The following JADE3 variants were observed in gnomAD, a reference collection of about 807,000 sequenced individuals.
JADE3 encodes the protein protein Jade-3.
JADE3 carries 2 observed loss-of-function variants against 50.1 expected under a neutral mutation model. The observed-to-expected ratio is 0.04, with a 90% confidence interval of 0.02 to 0.13. The LOEUF (loss-of-function observed/expected upper bound fraction) is 0.13. JADE3 is among the 10% of genes least tolerant of loss of function. JADE3 has a pLI of 1.00. For synonymous variants in JADE3, 218 were observed against 232.9 expected (o/e 0.94, Z 0.58); for missense variants, 475 against 634.4 (o/e 0.75, Z 2.70).
At chrX:46,966,520 G>A (rs1008510508) in intron 1 of JADE3, among the ~76,000 whole-genome samples, 2 of 111,128 alleles carry the variant, frequency 1.8e-5, no homozygotes, top group Admixed American at 1.9e-4. Flanking sequence ...AGCAACACAG[G>A]GAACTTGAAA....
chrX:47,039,532 A>G (rs1357717769), intron 8 of JADE3, among the ~76,000 whole-genome samples: 1 of 110,722 alleles, frequency 9.0e-6, no homozygotes, highest in African/African-American at 3.3e-5. Context: ...TAAGTACCCA[A>G]TAGGTAGTTT....
At position 47,059,762 on chromosome X, in the gene JADE3, T is replaced by A. The variant is rs1313276014; in HGVS notation, c.*685T>A. On this transcript the variant is annotated 3_prime_UTR_variant, in exon 11 of 11. Transcript: ENST00000614628. The stretch of plus-strand genomic sequence containing the variant: ...ATAAAAGGCTAACTTGTGGATAGTG[T>A]TTACAAAAGTACAAAAGTACTACTT... The A allele has an allele frequency of 8.9e-6, 1 of 112,153 alleles. No individual in the cohort carries two copies. Among genetic ancestry groups the A allele is most frequent in the Non-Finnish European group, 1.9e-5 (1 of 53,229 alleles). The allele number at this position is 112,153 out of a possible 1,213,427, so 9.2% of individuals were successfully genotyped here. A position where few individuals can be genotyped will look rare whatever the true frequency, so the allele number is the denominator to read the frequency against.
At chrX:47,004,250 G>A (rs1348395791) in intron 4 of JADE3, among the ~76,000 whole-genome samples, 2 of 111,212 alleles carry the variant, frequency 1.8e-5, no homozygotes, top group African/African-American at 6.5e-5. Context: ...TATCTGTATT[G>A]TATCAGGGTA....
intron 1 of JADE3, among the ~76,000 whole-genome samples, chrX:46,980,980 G>C (rs1178759260): frequency 1.8e-5 from 2 of 111,397 alleles, no homozygotes; most frequent in Non-Finnish European, 3.8e-5. Context: ...ACAGAAACAG[G>C]ATCAGAGAGA....
At chrX:46,925,576 C>T (rs1004219454) in intron 1 of JADE3, among the ~76,000 whole-genome samples, 52 of 111,821 alleles carry the variant, frequency 4.7e-4, no homozygotes, top group African/African-American at 1.7e-3. Context: ...CATCCCAGCA[C>T]TCTGGGAGGC....
intron 8 of JADE3, 55 bp downstream of exon 8, chrX:47,039,120 C>G (rs1243176434): frequency 1.5e-5 from 9 of 604,419 alleles, no homozygotes; most frequent in Non-Finnish European, 2.2e-5. Context: ...GCTGGACTCA[C>G]CCTCCCAGTG....
At chrX:46,980,781 AGGTTGTGGTAGGCAG>A (rs1927730671) in intron 1 of JADE3, among the ~76,000 whole-genome samples, 5 of 111,380 alleles carry the variant, frequency 4.5e-5, no homozygotes, top group African/African-American at 1.6e-4. Context: ...TTTGTATATT[AGGTTGTGGTAGGCAG>A]AGATGTCCGT....
At chrX:46,928,880 T>C (rs1283810684) in intron 1 of JADE3, among the ~76,000 whole-genome samples, 1 of 111,850 alleles carries the variant, frequency 8.9e-6, no homozygotes, top group Admixed American at 9.5e-5. Context: ...CCCAAAGTGC[T>C]GAGATTACAA....
At chrX:47,035,033 T>C (rs1929104521) in intron 7 of JADE3, among the ~76,000 whole-genome samples, 1 of 111,497 alleles carries the variant, frequency 9.0e-6, no homozygotes, top group Non-Finnish European at 1.9e-5. Flanking sequence ...TTGCTGGTAT[T>C]TCCTGAGTGG....
chrX:46,984,975 T>C (rs1556354167), intron 2 of JADE3, 35 bp downstream of exon 2: 2 of 1,099,900 alleles, frequency 1.8e-6, no homozygotes, highest in Non-Finnish European at 1.3e-6. Flanking sequence ...GTAACCTTTC[T>C]ATCTATATCC....
chrX:46,955,433 C>T (rs782641327), intron 1 of JADE3, among the ~76,000 whole-genome samples: 4 of 111,468 alleles, frequency 3.6e-5, no homozygotes, highest in Admixed American at 9.5e-5. Flanking sequence ...TAAGGTTGAT[C>T]GGGGTGTGAG....
intron 1 of JADE3, among the ~76,000 whole-genome samples, chrX:46,917,834 C>CTCTCTCTCT (rs1556336773): frequency 2.4e-5 from 1 of 42,545 alleles, no homozygotes; most frequent in Non-Finnish European, 4.2e-5. Context: ...TCTCTCTCAT[C>CTCTCTCTCT]CTCTCTCTCT....
chrX:47,010,060 T>A (rs1928523687), intron 4 of JADE3, among the ~76,000 whole-genome samples: 1 of 110,656 alleles, frequency 9.0e-6, no homozygotes, highest in East Asian at 2.8e-4. Flanking sequence ...AACTAATAAG[T>A]GATGTTTTAA....
intron 4 of JADE3, among the ~76,000 whole-genome samples, chrX:47,010,952 T>G (rs1157679030): frequency 4.5e-5 from 5 of 111,900 alleles, no homozygotes; most frequent in African/African-American, 1.6e-4. Context: ...ACCTTCTCAC[T>G]GTGTCCTCAC....
At chrX:47,026,875 A>G (rs1480286248) in intron 5 of JADE3, among the ~76,000 whole-genome samples, 1 of 111,426 alleles carries the variant, frequency 9.0e-6, no homozygotes, top group East Asian at 2.8e-4. Flanking sequence ...ATATGAGGTA[A>G]GGTTGGAATT....
chrX:47,013,140 A>G (rs1434130022), intron 4 of JADE3, among the ~76,000 whole-genome samples: 2 of 111,529 alleles, frequency 1.8e-5, no homozygotes, highest in South Asian at 3.8e-4. Flanking sequence ...AGCCTCCCCA[A>G]TTAGTTGGGA....
intron 1 of JADE3, among the ~76,000 whole-genome samples, chrX:46,923,783 A>T (rs1389383731): frequency 1.8e-5 from 2 of 110,348 alleles, no homozygotes; most frequent in Non-Finnish European, 3.8e-5. Context: ...TTGGGTTTTT[A>T]CTTTGTGCTG....
At chrX:46,931,807 T>C (rs1324123046) in intron 1 of JADE3, among the ~76,000 whole-genome samples, 1 of 112,058 alleles carries the variant, frequency 8.9e-6, no homozygotes, top group Non-Finnish European at 1.9e-5. Flanking sequence ...GCTAAATATA[T>C]AGGTAACATG....
chrX:46,980,694 C>T (rs1556352839), intron 1 of JADE3, among the ~76,000 whole-genome samples: 2 of 111,284 alleles, frequency 1.8e-5, no homozygotes, highest in African/African-American at 6.5e-5. Flanking sequence ...ATCCTGAAGA[C>T]TTTCTCTTAT....
Sources: allele counts gnomAD v4.1 joint callset (sites outside exome capture counted in the v4.1 genomes callset), GRCh38; gene constraint gnomAD v4.1.1; transcripts MANE v1.5; gene names NCBI Gene and HGNC (gene_info 2026-07-23, HGNC 2026-07-21).